Variants in MYL12A observed in about 807,000 individuals in gnomAD.
The protein encoded by MYL12A is myosin light chain 12A.
MYL12A carries 11 observed loss-of-function variants against 13.3 expected under a neutral mutation model. That is an observed-to-expected ratio of 0.83 (90% CI 0.52 to 1.37). MYL12A has a LOEUF of 1.37. Ranked by LOEUF, MYL12A falls within the 40% of genes most tolerant of loss-of-function variation. The probability of loss-of-function intolerance (pLI) is 0.00; values close to 1 mark genes in which losing one functional copy is unlikely to be tolerated. For synonymous variants in MYL12A, 51 were observed against 69.9 expected, an observed-to-expected ratio of 0.73 and a Z score of 1.35; for missense variants, 146 against 212.3, an observed-to-expected ratio of 0.69 and a Z score of 1.94.
chr18:3,253,129 C>A (rs2081503011), intron 1 of MYL12A, 104 bp from the exon 2 acceptor site: 2 of 1,265,574 alleles, frequency 1.6e-6, no homozygotes, highest in Non-Finnish European at 1.1e-6. Flanking sequence ...TCAAACATAT[C>A]AGGAAAGTTG....
chr18:3,250,465 C>G (rs1276719731), intron 1 of MYL12A, among the ~76,000 whole-genome samples: 2 of 152,182 alleles, frequency 1.3e-5, no homozygotes, highest in Non-Finnish European at 2.9e-5. Flanking sequence ...TTATTCTCCC[C>G]ACACTTTTAG....
intron 1 of MYL12A, chr18:3,249,347 ATC>A (rs1234874180): frequency 1.3e-5 from 2 of 152,154 alleles, no homozygotes; most frequent in Non-Finnish European, 2.9e-5. Context: ...CATGTTGTGT[ATC>A]TCTCGTTACA....
In MYL12A at chr18:3,256,084, A is replaced by G; in HGVS notation, c.*166A>G. 1 of 817,512 alleles carries G rather than the reference A, an allele frequency of 1.2e-6. No individual in the cohort carries two copies. The highest frequency in any genetic ancestry group is 3.6e-4 in the Middle Eastern group (1 of 2,786). The allele number at this position is 817,512 out of a possible 1,614,324, so 50.6% of individuals were successfully genotyped here. On this transcript the variant is annotated 3_prime_UTR_variant, in exon 4 of 4. Transcript: ENST00000217652. ...AATCAGACTGGAAACGGGACTTTCT[A>G]TTAATATCATTTTCAGAATAAAAAA...
chr18:3,253,352 G>A lies in MYL12A; in HGVS notation c.105G>A (p.Glu35=), dbSNP rs139312418. 93 of 1,613,962 alleles carry A rather than the reference G, an allele frequency of 5.8e-5. No individual in the cohort carries two copies. The East Asian group carries it at 1.9e-3, about 33-fold the overall frequency. Residue 35 remains glutamate (E), a synonymous_variant, in exon 2 of 4, where the codon GAG becomes GAA. Transcript: ENST00000217652. ...FDQSQIQEFK[E]AFNMIDQNRD... Reference sequence around the variant, plus strand: ...AGTCACAGATTCAGGAGTTCAAAGAGGCCTTCAACATGATTGATCAGAACA... The same window carrying A: ...AGTCACAGATTCAGGAGTTCAAAGAAGCCTTCAACATGATTGATCAGAACA...
Position 3,252,198 on chromosome 18 carries a change from C to G in MYL12A, c.-15-1035C>G, listed in dbSNP as rs1203275705. 2.4e-5 allele frequency: 17 copies of G among 709,308 alleles called. No homozygotes were observed. The Admixed American group carries it at 5.2e-4, about 22-fold the overall frequency. The allele number at this position is 709,308 out of a possible 1,614,324, so 43.9% of individuals were successfully genotyped here. ...AGAACGTAAGCTTTAAAATTGTTAT[C>G]CTGGTCAGAGTGAAATCAGTAGTGC... On this transcript the variant is annotated intron_variant, in intron 1 of 3. Coordinates refer to ENST00000217652, the MANE Select transcript of MYL12A (RefSeq NM_006471.4).
At chr18:3,250,376 G>C (rs1340650406) in intron 1 of MYL12A, among the ~76,000 whole-genome samples, 1 of 152,122 alleles carries the variant, frequency 6.6e-6, no homozygotes, top group East Asian at 1.9e-4. Flanking sequence ...AATCAGCAAA[G>C]AGGACCCTGA....
At chr18:3,251,447 T>C (rs1017986991) in intron 1 of MYL12A, among the ~76,000 whole-genome samples, 12 of 152,226 alleles carry the variant, frequency 7.9e-5, no homozygotes, top group African/African-American at 2.9e-4. Flanking sequence ...CAAAACAGAC[T>C]ATTTTTAAAG....
chr18:3,253,900 A>T lies in MYL12A; in HGVS notation c.193A>T (p.Thr65Ser), dbSNP rs763543178. ...DMLASLGKNP[T>S]DEYLDAMMNE... ...TTTTAAAAATTTAGGGAAGAATCCA[A>T]CTGATGAGTATCTAGATGCCATGAT... Residue 65 changes from threonine (T) to serine (S), a missense_variant, in exon 3 of 4, where the codon ACT becomes TCT. By Grantham distance (58) the Thr-to-Ser change is moderately conservative. Transcript: ENST00000217652. The T allele has an allele frequency of 6.2e-7, 1 of 1,602,878 alleles. No individual in the cohort carries two copies. The highest frequency in any genetic ancestry group is 1.1e-5 in the South Asian group (1 of 88,392).
At chr18:3,252,862 G>A (rs989482157) in intron 1 of MYL12A, among the ~76,000 whole-genome samples, 1 of 152,134 alleles carries the variant, frequency 6.6e-6, no homozygotes, top group Non-Finnish European at 1.5e-5. Flanking sequence ...TCTGTCCACC[G>A]TACTATGGAA....
chr18:3,253,608 G>T, intron 2 of MYL12A, 180 bp downstream of exon 2: 1 of 819,088 alleles, frequency 1.2e-6, no homozygotes. Context: ...TCTTAGGATT[G>T]GGTTGGGGTT....
At position 3,253,402 on chromosome 18, in the gene MYL12A, A is replaced by G. The variant is rs2081506377; in HGVS notation, c.155A>G (p.Asp52Gly). The change falls in exon 2 of 4, where the codon GAT becomes GGT. Residue 52 changes from aspartate (D) to glycine (G), a missense_variant. Coordinates refer to ENST00000217652, the MANE Select transcript of MYL12A (RefSeq NM_006471.4). ...AGAGATGGTTTCATCGACAAGGAAG[A>G]TTTGCATGATATGCTTGCTTCATTG... ...QNRDGFIDKE[D>G]LHDMLASLGK... 1 of 1,613,582 alleles carries G rather than the reference A, an allele frequency of 6.2e-7. No individual in the cohort carries two copies. The highest frequency in any genetic ancestry group is 8.5e-7 in the Non-Finnish European group (1 of 1,179,654).
chr18:3,251,978 G>A (rs2144326939), intron 1 of MYL12A, among the ~76,000 whole-genome samples: 1 of 152,226 alleles, frequency 6.6e-6, no homozygotes, highest in South Asian at 2.1e-4. Context: ...TTCCATAATT[G>A]TATTTAGTCT....
At chr18:3,255,182 A>G (rs575039218) in intron 3 of MYL12A, among the ~76,000 whole-genome samples, 85 of 152,348 alleles carry the variant, frequency 5.6e-4, no homozygotes, top group African/African-American at 2.0e-3. Flanking sequence ...GGCCATATTT[A>G]TTACAATAAT....
intron 1 of MYL12A, chr18:3,248,121 G>T (rs544638747): frequency 7.2e-5 from 11 of 152,486 alleles, no homozygotes; most frequent in African/African-American, 2.6e-4. Flanking sequence ...TGGAAATGTG[G>T]CTTCGCTCAC....
intron 1 of MYL12A, chr18:3,252,459 TA>T (rs1469901215): frequency 7.8e-7 from 1 of 1,290,108 alleles, no homozygotes. Context: ...AATTTTAACT[TA>T]AATTTTACCG....
At chr18:3,248,726 T>C (rs1567982568) in intron 1 of MYL12A, 1 of 152,244 alleles carries the variant, frequency 6.6e-6, no homozygotes, top group South Asian at 2.1e-4. Flanking sequence ...GAGGCTTTAC[T>C]GGCAAGTCAG....
Position 3,256,072 on chromosome 18 carries a change from A to G in MYL12A, c.*154A>G. On this transcript the variant is annotated 3_prime_UTR_variant, in exon 4 of 4. Coordinates refer to ENST00000217652, the MANE Select transcript of MYL12A (RefSeq NM_006471.4). Reference sequence around the variant, plus strand: ...ATGTATCTTTATAATCAGACTGGAAACGGGACTTTCTATTAATATCATTTT... The same window carrying G: ...ATGTATCTTTATAATCAGACTGGAAGCGGGACTTTCTATTAATATCATTTT... The G allele has an allele frequency of 1.1e-6, 1 of 945,358 alleles. No individual in the cohort carries two copies. The highest frequency in any genetic ancestry group is 1.6e-6 in the Non-Finnish European group (1 of 639,484). The allele number at this position is 945,358 out of a possible 1,614,324, so 58.6% of individuals were successfully genotyped here. A position where few individuals can be genotyped will look rare whatever the true frequency, so the allele number is the denominator to read the frequency against.
intron 1 of MYL12A, among the ~76,000 whole-genome samples, chr18:3,252,029 A>G (rs1463910996): frequency 6.6e-6 from 1 of 152,176 alleles, no homozygotes; most frequent in East Asian, 1.9e-4. Context: ...GTAAGAAATT[A>G]CTTTTTAAAC....
chr18:3,254,091 TTTAG>T (rs1479353035), intron 3 of MYL12A, 41 bp downstream of exon 3: 2 of 1,592,114 alleles, frequency 1.3e-6, no homozygotes, highest in African/African-American at 1.4e-5. Flanking sequence ...TGATTTAATT[TTTAG>T]TTATGGTAAC....
Sources: gnomAD v4.1 joint callset for allele counts (sites outside exome capture counted in the v4.1 genomes callset) on GRCh38, gnomAD v4.1.1 for gene constraint, MANE v1.5 for transcripts, NCBI Gene and HGNC (gene_info 2026-07-23, HGNC 2026-07-21) for gene names.